Variants in DOCK2 observed in about 807,000 individuals in gnomAD.
DOCK2 encodes dedicator of cytokinesis 2, also known as dedicator of cytokinesis protein 2.
In DOCK2, 87 loss-of-function variants were observed where a neutral mutation model predicts 248.9. The observed-to-expected ratio is 0.35, with a 90% confidence interval of 0.29 to 0.42. DOCK2 has a LOEUF of 0.42. Among genes scored for constraint, DOCK2 ranks in the 10% least tolerant of loss-of-function variants. DOCK2 has a pLI of 1.00. For synonymous variants in DOCK2, 805 were observed against 821.6 expected (o/e 0.98, Z 0.35); for missense variants, 1,747 against 2,300.2 (o/e 0.76, Z 4.92).
At chr5:170,080,954 A>T (rs1481747098) in intron 50 of DOCK2, 2 of 152,584 alleles carry the variant, frequency 1.3e-5, no homozygotes, top group East Asian at 3.8e-4. Context: ...TGCCCTGTGG[A>T]ACTCAGCAGG....
chr5:169,928,400 CA>C (rs1303413356), intron 27 of DOCK2, among the ~76,000 whole-genome samples: 1 of 152,248 alleles, frequency 6.6e-6, no homozygotes, highest in African/African-American at 2.4e-5. Context: ...TGCTCTGCCC[CA>C]GAATGCCCCG....
chr5:169,860,417 T>C (rs955594492), intron 27 of DOCK2, among the ~76,000 whole-genome samples: 3 of 152,192 alleles, frequency 2.0e-5, no homozygotes, highest in Non-Finnish European at 4.4e-5. Flanking sequence ...TACATTGTGT[T>C]CTTGGCTGTC....
At chr5:170,062,100 AGTGTGTGT>A (rs148650076) in intron 44 of DOCK2, among the ~76,000 whole-genome samples, 30,018 of 144,450 alleles carry the variant, frequency 0.21, 3,165 homozygotes, top group Middle Eastern at 0.27. Context: ...TATGTATATG[AGTGTGTGT>A]GTGTGTGTGT....
At chr5:169,897,638 A>G (rs1051801898) in intron 27 of DOCK2, among the ~76,000 whole-genome samples, 1 of 152,190 alleles carries the variant, frequency 6.6e-6, no homozygotes, top group Non-Finnish European at 1.5e-5. Context: ...GAGCCTGGGG[A>G]TGCAAACTGA....
At chr5:169,650,697 GT>G (rs1009763190) in intron 1 of DOCK2, among the ~76,000 whole-genome samples, 5 of 152,282 alleles carry the variant, frequency 3.3e-5, no homozygotes, top group Admixed American at 3.3e-4. Flanking sequence ...GCTGGAGTCA[GT>G]GACCCAAGAT....
intron 27 of DOCK2, among the ~76,000 whole-genome samples, chr5:169,974,082 A>G (rs1422323865): frequency 2.0e-5 from 3 of 152,226 alleles, no homozygotes; most frequent in Non-Finnish European, 4.4e-5. Context: ...AGATCATACC[A>G]TGGTTGCAAA....
intron 27 of DOCK2, among the ~76,000 whole-genome samples, chr5:169,977,824 AG>A (rs1260264336): frequency 2.0e-5 from 3 of 152,202 alleles, no homozygotes; most frequent in African/African-American, 7.2e-5. Context: ...TAAAATGAAT[AG>A]GTTTTAGAGT....
At chr5:169,947,035 A>G (rs1352804434) in intron 27 of DOCK2, among the ~76,000 whole-genome samples, 2 of 152,184 alleles carry the variant, frequency 1.3e-5, no homozygotes, top group African/African-American at 2.4e-5. Context: ...TGAGTTTACA[A>G]TGTATCTGGA....
intron 27 of DOCK2, among the ~76,000 whole-genome samples, chr5:169,906,674 A>G (rs1241195113): frequency 2.0e-5 from 3 of 152,102 alleles, no homozygotes; most frequent in Admixed American, 2.0e-4. Flanking sequence ...GATGAAAGTC[A>G]CATACCTGAG....
At chr5:169,982,951 A>G (rs1331316816) in intron 27 of DOCK2, 117 bp from the exon 28 acceptor site, 2 of 956,220 alleles carry the variant, frequency 2.1e-6, no homozygotes, top group East Asian at 2.5e-5. Flanking sequence ...CCAGGCACAT[A>G]ATAGTACTCA....
chr5:169,985,295 A>G (rs1778037797), intron 28 of DOCK2, among the ~76,000 whole-genome samples: 1 of 150,710 alleles, frequency 6.6e-6, no homozygotes, highest in Non-Finnish European at 1.5e-5. Flanking sequence ...TCCGCTAAGA[A>G]CCTCTTCAAA....
At chr5:170,050,527 A>T in intron 41 of DOCK2, 130 bp downstream of exon 41, 2 of 1,054,310 alleles carry the variant, frequency 1.9e-6, no homozygotes, top group African/African-American at 1.6e-5. Flanking sequence ...TGTTGCAGGA[A>T]CATGCAACAT....
At chr5:169,816,433 A>G (rs577165613) in intron 26 of DOCK2, among the ~76,000 whole-genome samples, 42 of 152,352 alleles carry the variant, frequency 2.8e-4, no homozygotes, top group African/African-American at 9.6e-4. Context: ...ATTTCAGCAC[A>G]GTTTCTGCAA....
At chr5:169,964,481 G>C (rs1455314914) in intron 27 of DOCK2, among the ~76,000 whole-genome samples, 3 of 152,268 alleles carry the variant, frequency 2.0e-5, no homozygotes, top group Non-Finnish European at 4.4e-5. Flanking sequence ...GTGTCAGACA[G>C]GTGGCTCATG....
chr5:169,933,482 G>A (rs1461642456), intron 27 of DOCK2, among the ~76,000 whole-genome samples: 1 of 152,244 alleles, frequency 6.6e-6, no homozygotes, highest in Admixed American at 6.5e-5. Context: ...AGCATCAAGA[G>A]TCTGCATAAA....
chr5:169,646,400 C>T (rs1435519531), intron 1 of DOCK2, among the ~76,000 whole-genome samples: 1 of 152,186 alleles, frequency 6.6e-6, no homozygotes, highest in Non-Finnish European at 1.5e-5. Context: ...TAACTTCTGT[C>T]TTCATTTTGC....
intron 27 of DOCK2, among the ~76,000 whole-genome samples, chr5:169,847,746 T>G (rs1199941486): frequency 1.3e-5 from 2 of 152,190 alleles, no homozygotes; most frequent in African/African-American, 2.4e-5. Flanking sequence ...CCTGTAGAAC[T>G]GTGTTGAGGA....
chr5:170,028,124 G>A (rs1755987649), intron 34 of DOCK2, among the ~76,000 whole-genome samples, 176 bp downstream of exon 34: 1 of 152,208 alleles, frequency 6.6e-6, no homozygotes, highest in African/African-American at 2.4e-5. Context: ...CTCTGGAGTG[G>A]CCATTTCTTT....
chr5:169,687,627 G>A (rs141469874), intron 8 of DOCK2, among the ~76,000 whole-genome samples: 14 of 152,256 alleles, frequency 9.2e-5, no homozygotes, highest in Admixed American at 5.9e-4. Context: ...CCTAAATGGC[G>A]TGGAAAATCT....
Sources: gnomAD v4.1 joint callset for allele counts (sites outside exome capture counted in the v4.1 genomes callset) on GRCh38, gnomAD v4.1.1 for gene constraint, MANE v1.5 for transcripts, NCBI Gene and HGNC (gene_info 2026-07-23, HGNC 2026-07-21) for gene names.